ATE1: variants seen among roughly 807,000 people sequenced by gnomAD.
The protein encoded by ATE1 is arginyl-tRNA--protein transferase 1.
A neutral mutation model predicts 70.5 loss-of-function variants in ATE1; 36 were observed. That is an observed-to-expected ratio of 0.51 (90% CI 0.39 to 0.67). The LOEUF is 0.67. ATE1 is among the 30% of genes least tolerant of loss of function. ATE1 has a pLI of 0.00. For missense variants in ATE1, 593 were observed against 629.5 expected (o/e 0.94, Z 0.62); for synonymous variants, 232 against 219.3 (o/e 1.06, Z -0.51).
At chr10:121,826,472 A>C (rs527722350) in intron 10 of ATE1, among the ~76,000 whole-genome samples, 21 of 152,058 alleles carry the variant, frequency 1.4e-4, no homozygotes, top group Non-Finnish European at 3.1e-4. Context: ...CATCCACTAA[A>C]CGTTTTTGCA....
chr10:121,756,596 T>A (rs544182949), intron 11 of ATE1, among the ~76,000 whole-genome samples: 1 of 152,310 alleles, frequency 6.6e-6, no homozygotes, highest in East Asian at 1.9e-4. Flanking sequence ...AGGCAGAGGT[T>A]CCCAAACCCC....
At chr10:121,903,749 G>C (rs1420509360) in intron 5 of ATE1, among the ~76,000 whole-genome samples, 1 of 151,868 alleles carries the variant, frequency 6.6e-6, no homozygotes, top group Admixed American at 6.6e-5. Flanking sequence ...AAATACTGCA[G>C]GTATTTGGGT....
intron 4 of ATE1, among the ~76,000 whole-genome samples, chr10:121,911,834 C>T (rs1951448173): frequency 6.6e-6 from 1 of 152,114 alleles, no homozygotes; most frequent in Non-Finnish European, 1.5e-5. Flanking sequence ...GCAAGCTCCG[C>T]CTCCCAAGTT....
intron 11 of ATE1, among the ~76,000 whole-genome samples, chr10:121,748,755 A>G (rs1220518407): frequency 6.6e-6 from 1 of 152,152 alleles, no homozygotes; most frequent in Non-Finnish European, 1.5e-5. Flanking sequence ...TTGAGAAGCT[A>G]TTCACTTTTT....
chr10:121,909,715 G>A (rs1012176028), intron 5 of ATE1, among the ~76,000 whole-genome samples: 8 of 152,124 alleles, frequency 5.3e-5, no homozygotes, highest in Admixed American at 5.2e-4. Context: ...ACCCCCCAGA[G>A]AGAAATAGTT....
chr10:121,838,390 T>C (rs1948507180), intron 9 of ATE1, among the ~76,000 whole-genome samples: 1 of 151,482 alleles, frequency 6.6e-6, no homozygotes, highest in Non-Finnish European at 1.5e-5. Flanking sequence ...CTGTGCCCCT[T>C]GCATAAGGCT....
intron 11 of ATE1, among the ~76,000 whole-genome samples, chr10:121,769,240 A>T (rs1221554092): frequency 6.6e-6 from 1 of 152,196 alleles, no homozygotes; most frequent in Non-Finnish European, 1.5e-5. Flanking sequence ...TAATAGCCCC[A>T]CACAAGTATG....
At chr10:121,759,078 T>G (rs890692820) in intron 11 of ATE1, among the ~76,000 whole-genome samples, 2 of 152,206 alleles carry the variant, frequency 1.3e-5, no homozygotes, top group Admixed American at 6.5e-5. Flanking sequence ...TGATTAAACA[T>G]GGTGATGAAG....
chr10:121,744,222 T>C (rs1410624512), intron 11 of ATE1, among the ~76,000 whole-genome samples: 11 of 152,086 alleles, frequency 7.2e-5, no homozygotes, highest in African/African-American at 2.7e-4. Flanking sequence ...GTACCCAGCC[T>C]TCATTTCTTA....
rs577776289 is a variant in ATE1, at chr10:121,878,811, T to C, written c.943-8773A>G. 5.9e-5 allele frequency among the ~76,000 whole-genome samples: 9 copies of C among 152,306 alleles called. No homozygotes were observed. The East Asian group carries it at 1.5e-3, about 26-fold the overall frequency. On this transcript the variant is annotated intron_variant, in intron 7 of 11. Coordinates refer to ENST00000224652, the MANE Select transcript of ATE1 (RefSeq NM_001001976.3). ...AATTATCTAGTTCACCTCTTTTACA[T>C]ACTGAGATCCAAAAATGTTACATTA...
intron 11 of ATE1, among the ~76,000 whole-genome samples, chr10:121,772,282 T>C (rs1332727464): frequency 6.6e-6 from 1 of 152,238 alleles, no homozygotes; most frequent in East Asian, 1.9e-4. Flanking sequence ...TTCTTGTTAA[T>C]TAGTACCACA....
At chr10:121,766,294 G>A (rs1260421997) in intron 11 of ATE1, among the ~76,000 whole-genome samples, 1 of 152,084 alleles carries the variant, frequency 6.6e-6, no homozygotes, top group Non-Finnish European at 1.5e-5. Context: ...CTAAAATAAG[G>A]GTGATCGTTT....
At position 121,910,921 on chromosome 10, in the gene ATE1, T is replaced by C. The variant is rs769012179; in HGVS notation, c.568A>G (p.Thr190Ala). Reference protein sequence around the residue: ...GEPSHSVKVHTVPKPGKGADL... With the variant: ...GEPSHSVKVHAVPKPGKGADL... Reference sequence around the variant, plus strand: ...TCTTTACTACCTGGCTTAGGAACTGTGTGAACTTTAACTGAATGTGACGGT... The same window carrying C: ...TCTTTACTACCTGGCTTAGGAACTGCGTGAACTTTAACTGAATGTGACGGT... The change falls in exon 5 of 12, where the codon ACA (threonine) becomes GCA (alanine). Residue 190 changes from threonine to alanine, a missense_variant. This residue lies in a region of ATE1 where 467 missense variants were observed against 469.6 expected (regional missense o/e 0.99). Transcript: ENST00000224652. 4 of 1,613,450 alleles carry C rather than the reference T, an allele frequency of 2.5e-6. No homozygotes were observed. The highest frequency in any genetic ancestry group is 3.4e-6 in the Non-Finnish European group (4 of 1,179,900).
upstream of ATE1, chr10:121,928,450 C>T (rs746440724): frequency 2.6e-5 from 40 of 1,514,744 alleles, no homozygotes; most frequent in South Asian, 4.8e-4. Context: ...CGAGGGTCCG[C>T]TCGGGCCGAC....
intron 8 of ATE1, among the ~76,000 whole-genome samples, chr10:121,860,273 A>T (rs1480676631): frequency 6.6e-6 from 1 of 152,194 alleles, no homozygotes; most frequent in African/African-American, 2.4e-5. Flanking sequence ...AATTTAGGGG[A>T]ATGCTAAGAA....
intron 8 of ATE1, among the ~76,000 whole-genome samples, chr10:121,842,894 C>T (rs1255366079): frequency 6.6e-6 from 1 of 152,126 alleles, no homozygotes; most frequent in African/African-American, 2.4e-5. Flanking sequence ...CCACAGCTCA[C>T]AGCATACTCA....
chr10:121,852,545 T>C (rs574091107), intron 8 of ATE1, among the ~76,000 whole-genome samples: 41 of 152,132 alleles, frequency 2.7e-4, no homozygotes, highest in African/African-American at 2.7e-4. Context: ...ACCCCTTCTC[T>C]ACTAAAAATA....
chr10:121,771,890 C>T (rs1015333861), intron 11 of ATE1, among the ~76,000 whole-genome samples: 12 of 152,228 alleles, frequency 7.9e-5, no homozygotes, highest in Admixed American at 7.8e-4. Flanking sequence ...TTTCACATCT[C>T]AGCAACTTTA....
At chr10:121,801,755 G>T (rs950704360) in intron 10 of ATE1, among the ~76,000 whole-genome samples, 1 of 151,968 alleles carries the variant, frequency 6.6e-6, no homozygotes, top group Non-Finnish European at 1.5e-5. Context: ...CATTACCCTA[G>T]CTGAGGCCAC....
Sources: gnomAD v4.1 joint callset for allele counts (sites outside exome capture counted in the v4.1 genomes callset) on GRCh38, gnomAD v4.1.1 for gene constraint, gnomAD v4.1.1 regional missense constraint, MANE v1.5 for transcripts, NCBI Gene and HGNC (gene_info 2026-07-23, HGNC 2026-07-21) for gene names.